DNAH9: variants seen among roughly 807,000 people sequenced by gnomAD.
DNAH9 encodes the protein DNAH9 variant protein.
Under a neutral mutation model 471.6 loss-of-function variants are expected in DNAH9, and 345 were observed. That is an observed-to-expected ratio of 0.73 (90% CI 0.67 to 0.80). The LOEUF is 0.80. Among genes scored for constraint, DNAH9 ranks in the 30% least tolerant of loss-of-function variants. The pLI, the probability that DNAH9 is intolerant of heterozygous loss-of-function variation, is 0.00. For missense variants in DNAH9, 5,407 were observed against 5,609.2 expected (o/e 0.96, Z 1.15); for synonymous variants, 2,093 against 2,123.6 (o/e 0.99, Z 0.40).
In DNAH9 at chr17:11,605,667, T is replaced by C. The variant is rs75999034; in HGVS notation, c.418-2462T>C. On this transcript the variant is annotated intron_variant, in intron 1 of 68. Coordinates refer to ENST00000262442, the MANE Select transcript of DNAH9 (RefSeq NM_001372.4). Reference sequence around the variant, plus strand: ...GACATGCGCCACTACAACCGGGCAATTTTTCTATTTTTTTTTTTGTACAGA... The same window carrying C: ...GACATGCGCCACTACAACCGGGCAACTTTTCTATTTTTTTTTTTGTACAGA... 3.7e-3 allele frequency among the ~76,000 whole-genome samples: 437 copies of C among 119,570 alleles called. 8 individuals are homozygous for C. The highest frequency in any genetic ancestry group is 0.012 in the African/African-American group (405 of 34,100). The allele number at this position is 119,570 out of a possible 152,430, so 78.4% of individuals were successfully genotyped here.
intron 49 of DNAH9, among the ~76,000 whole-genome samples, chr17:11,853,701 T>C (rs1971517933): frequency 6.6e-6 from 1 of 152,238 alleles, no homozygotes; most frequent in Non-Finnish European, 1.5e-5. Flanking sequence ...TCAGAGTATG[T>C]CGGCATCCTT....
intron 15 of DNAH9, among the ~76,000 whole-genome samples, chr17:11,666,619 GGAAGTAAAGGA>G (rs2073872668): frequency 6.6e-6 from 1 of 152,168 alleles, no homozygotes; most frequent in Admixed American, 6.5e-5. Context: ...TTATCTAAGG[GGAAGTAAAGGA>G]GCCTAAAGGG....
chr17:11,617,362 G>A lies in DNAH9; in HGVS notation c.905-49G>A, dbSNP rs367928014. ...CCCAGGGACTAGGGCTCCACCAGGT[G>A]GGTATTAGGCTCCAGATGGGAATGC... On this transcript the variant is annotated intron_variant, in intron 4 of 68. Coordinates refer to ENST00000262442, the MANE Select transcript of DNAH9 (RefSeq NM_001372.4). The A allele has an allele frequency of 8.9e-6, 12 of 1,342,384 alleles. No individual in the cohort carries two copies. The African/African-American group carries it at 1.7e-4, about 19-fold the overall frequency. The allele number at this position is 1,342,384 out of a possible 1,614,324, so 83.2% of individuals were successfully genotyped here.
In DNAH9 at chr17:11,822,049, G is replaced by A. The variant is rs372709792; in HGVS notation, c.8837G>A (p.Arg2946Gln). 2.2e-5 allele frequency: 36 copies of A among 1,612,336 alleles called. No individual in the cohort carries two copies. Among genetic ancestry groups the A allele is most frequent in the Middle Eastern group, 1.7e-4 (1 of 6,058 alleles). Residue 2946 changes from arginine (R) to glutamine (Q), a missense_variant, in exon 46 of 69, where the codon CGG becomes CAG. Physicochemically the swap from Arg to Gln is conservative, Grantham distance 43. This residue lies in a region of DNAH9 where 4,636 missense variants were observed against 4,900.3 expected (regional missense o/e 0.95). Transcript: ENST00000262442. Reference protein sequence around the residue: ...NCWKFFIDRIRRQLKVTLCFS... With the variant: ...NCWKFFIDRIQRQLKVTLCFS... The stretch of plus-strand genomic sequence containing the variant: ...TGGAAGTTCTTTATAGATCGGATCC[G>A]GCGACAGCTGAAGGTAAAGAGCATT...
At chr17:11,936,500 G>A (rs9972921) in intron 65 of DNAH9, among the ~76,000 whole-genome samples, 46 of 152,272 alleles carry the variant, frequency 3.0e-4, no homozygotes, top group African/African-American at 1.0e-3. Context: ...CTTGAGCATG[G>A]TGGCATGTAC....
chr17:11,913,366 C>T (rs1454169220), intron 61 of DNAH9, among the ~76,000 whole-genome samples: 2 of 152,040 alleles, frequency 1.3e-5, no homozygotes, highest in African/African-American at 4.8e-5. Context: ...TTATTTCTTT[C>T]TAAGACTTTG....
chr17:11,710,941 G>T (rs2074817181), intron 26 of DNAH9, among the ~76,000 whole-genome samples: 1 of 152,172 alleles, frequency 6.6e-6, no homozygotes, highest in Non-Finnish European at 1.5e-5. Flanking sequence ...CCAGCTCTGG[G>T]ACCTAAACTA....
chr17:11,598,985 G>A lies in DNAH9; in HGVS notation c.417+70G>A, dbSNP rs939899512. 48 of 1,237,706 alleles carry A rather than the reference G, an allele frequency of 3.9e-5. No homozygotes were observed. In the African/African-American group the frequency reaches 6.7e-4, roughly 17 times the overall value. 76.7% of individuals were successfully genotyped at this position (1,237,706 alleles called of 1,614,324 possible). On this transcript the variant is annotated intron_variant, in intron 1 of 68. Transcript: ENST00000262442. ...GAGGGGAGGAGGAGCCTTAAGGGAC[G>A]GAGGCGGGGCCAGAGGGGGCGGGGC...
chr17:11,774,565 A>G (rs146844676), intron 38 of DNAH9, among the ~76,000 whole-genome samples: 101 of 152,250 alleles, frequency 6.6e-4, no homozygotes, highest in African/African-American at 2.3e-3. Context: ...AAATCTCATG[A>G]GACTTATTCA....
Position 11,822,465 on chromosome 17 carries a change from A to G in DNAH9, c.8878A>G (p.Asn2960Asp). The part of the protein sequence containing the change: ...KVTLCFSPVG[N>D]KLRVRSRKFP... ...GACTCTCTGTTTCTCCCCTGTGGGA[A>G]ACAAGCTAAGAGTCCGCAGCAGGAA... The change falls in exon 47 of 69, where the codon AAC becomes GAC. Residue 2960 changes from asparagine to aspartate, a missense_variant. This residue lies in a region of DNAH9 where 4,636 missense variants were observed against 4,900.3 expected (regional missense o/e 0.95). Transcript: ENST00000262442. 6.2e-7 allele frequency: 1 copy of G among 1,614,164 alleles called. No homozygotes were observed. Among genetic ancestry groups the G allele is most frequent in the Admixed American group, 1.7e-5 (1 of 60,024 alleles).
intron 26 of DNAH9, among the ~76,000 whole-genome samples, chr17:11,712,036 A>G (rs1253443823): frequency 1.7e-4 from 5 of 29,380 alleles, no homozygotes; most frequent in Admixed American, 7.2e-4. Context: ...ATATATATTT[A>G]TATATATTTA....
intron 49 of DNAH9, among the ~76,000 whole-genome samples, chr17:11,847,976 C>G (rs994016786): frequency 7.9e-5 from 12 of 151,630 alleles, no homozygotes; most frequent in Middle Eastern, 3.4e-3. Flanking sequence ...GGCTCTCTGT[C>G]TCTGTCTCTC....
At chr17:11,631,727 G>A (rs1295186169) in intron 7 of DNAH9, among the ~76,000 whole-genome samples, 1 of 151,630 alleles carries the variant, frequency 6.6e-6, no homozygotes, top group Non-Finnish European at 1.5e-5. Flanking sequence ...ATAATCCCAG[G>A]GATTTTGCCC....
intron 31 of DNAH9, among the ~76,000 whole-genome samples, chr17:11,746,550 G>T (rs1966887094): frequency 6.6e-6 from 1 of 152,116 alleles, no homozygotes; most frequent in South Asian, 2.1e-4. Context: ...AACTCACTCA[G>T]TATCACAAGA....
At chr17:11,662,996 C>G (rs938466460) in intron 14 of DNAH9, among the ~76,000 whole-genome samples, 3 of 151,816 alleles carry the variant, frequency 2.0e-5, no homozygotes, top group East Asian at 3.9e-4. Context: ...ACCTCGTGAT[C>G]CGCCCGCCTC....
At chr17:11,678,087 G>A (rs1180976667) in intron 17 of DNAH9, among the ~76,000 whole-genome samples, 2 of 151,226 alleles carry the variant, frequency 1.3e-5, no homozygotes, top group East Asian at 1.9e-4. Flanking sequence ...ATGCAGTCTC[G>A]CTCTGTCGCC....
intron 49 of DNAH9, among the ~76,000 whole-genome samples, chr17:11,848,232 G>A (rs1378496243): frequency 6.6e-6 from 1 of 151,932 alleles, no homozygotes; most frequent in Non-Finnish European, 1.5e-5. Context: ...AAGATAAATA[G>A]CCCAGTAGAA....
At chr17:11,632,466 A>G in intron 7 of DNAH9, 121 bp from the exon 8 acceptor site, 1 of 624,190 alleles carries the variant, frequency 1.6e-6, no homozygotes, top group Non-Finnish European at 2.9e-6. Context: ...GGTGAATTTC[A>G]GAAAATTAAA....
At chr17:11,744,718 A>T in intron 30 of DNAH9, 79 bp from the exon 31 acceptor site, 1 of 1,228,788 alleles carries the variant, frequency 8.1e-7, no homozygotes, top group Non-Finnish European at 1.2e-6. Context: ...TGCTCATAGC[A>T]TATCTATGAT....
Sources: gnomAD v4.1 joint callset for allele counts (sites outside exome capture counted in the v4.1 genomes callset) on GRCh38, gnomAD v4.1.1 for gene constraint, gnomAD v4.1.1 regional missense constraint, MANE v1.5 for transcripts, NCBI Gene and HGNC (gene_info 2026-07-23, HGNC 2026-07-21) for gene names.